Variants in GYG2 observed in about 807,000 individuals in gnomAD.
GYG2 encodes glycogenin-2.
Under a neutral mutation model 29.4 loss-of-function variants are expected in GYG2, and 29 were observed. The ratio of observed to expected loss-of-function variants is 0.99; its 90% CI spans 0.74 to 1.35. The LOEUF is 1.35. Ranked by LOEUF, GYG2 falls within the 40% of genes most tolerant of loss-of-function variation. The pLI is 0.00. For missense variants in GYG2, 370 were observed against 385.7 expected, an observed-to-expected ratio of 0.96 and a Z score of 0.34; for synonymous variants, 167 against 172.3, an observed-to-expected ratio of 0.97 and a Z score of 0.24.
Position 2,875,898 on chromosome X carries a change from A to G in GYG2, c.1127A>G (p.Glu376Gly). Residue 376 changes from glutamate (E) to glycine (G), a missense_variant, in exon 9 of 11, where the codon GAG becomes GGG. Glu to Gly is a moderately conservative substitution (Grantham distance 98, BLOSUM62 -2). Coordinates refer to ENST00000398806, the MANE Select transcript of GYG2 (RefSeq NM_001079855.2). ...TCCCCTCAGCCTGCAGACTTCACAGAGACTGAAACCATCTTGGTATTCCTC... is the reference window on the plus strand; with the variant it reads ...TCCCCTCAGCCTGCAGACTTCACAGGGACTGAAACCATCTTGGTATTCCTC... ...QPSPQPADFTETETILQPANK... is the reference protein window; with the variant it reads ...QPSPQPADFTGTETILQPANK... 1 of 1,137,617 alleles carries G rather than the reference A, an allele frequency of 8.8e-7. No homozygotes were observed. Among genetic ancestry groups the G allele is most frequent in the Non-Finnish European group, 1.2e-6 (1 of 828,819 alleles). 93.8% of individuals were successfully genotyped at this position (1,137,617 alleles called of 1,213,427 possible). A position where few individuals can be genotyped will look rare whatever the true frequency, so the allele number is the denominator to read the frequency against.
chrX:2,856,752 G>GTATGTATCTATCTATC (rs1555898843), intron 6 of GYG2, 128 bp downstream of exon 6: 1 of 161,547 alleles, frequency 6.2e-6, no homozygotes, highest in African/African-American at 3.6e-5. Flanking sequence ...ATCTATCTAT[G>GTATGTATCTATCTATC]TATCTATCTA....
chrX:2,850,208 G>C (rs961527761), intron 3 of GYG2, among the ~76,000 whole-genome samples: 1 of 111,609 alleles, frequency 9.0e-6, no homozygotes, highest in African/African-American at 3.3e-5. Context: ...GTATAAAACA[G>C]AGTTAAGTCT....
intron 9 of GYG2, 25 bp downstream of exon 9, chrX:2,875,939 A>C (rs368647320): frequency 6.1e-5 from 51 of 837,185 alleles, no homozygotes; most frequent in Admixed American, 1.2e-4. Context: ...TATGACCTAC[A>C]CATGGCCAGC....
At chrX:2,873,897 C>T (rs1313104855) in intron 8 of GYG2, among the ~76,000 whole-genome samples, 1 of 110,029 alleles carries the variant, frequency 9.1e-6, no homozygotes, top group Non-Finnish European at 1.9e-5. Context: ...CAAGACCAGC[C>T]TGGCCAAGAT....
chrX:2,833,261 C>A (rs2087305350), intron 2 of GYG2, among the ~76,000 whole-genome samples: 1 of 110,572 alleles, frequency 9.0e-6, no homozygotes, highest in Admixed American at 9.7e-5. Flanking sequence ...TCCTCATCTC[C>A]TCTTGTAGTG....
At chrX:2,829,960 C>T in intron 1 of GYG2, 101 bp from the exon 2 acceptor site, 1 of 410,746 alleles carries the variant, frequency 2.4e-6, no homozygotes, top group African/African-American at 2.6e-5. Flanking sequence ...GAGGCAGGGG[C>T]CCCGTGGGGC....
chrX:2,840,127 A>G (rs2087462543), intron 2 of GYG2, among the ~76,000 whole-genome samples: 1 of 112,558 alleles, frequency 8.9e-6, no homozygotes, highest in African/African-American at 3.2e-5. Context: ...GATACCCATT[A>G]TGCTGCTTAG....
intron 8 of GYG2, among the ~76,000 whole-genome samples, chrX:2,870,388 AG>A (rs889502439): frequency 1.8e-5 from 2 of 109,929 alleles, no homozygotes; most frequent in Non-Finnish European, 3.8e-5. Context: ...TTTATAGTAG[AG>A]CCGGGTTTTC....
intron 1 of GYG2, among the ~76,000 whole-genome samples, chrX:2,829,570 A>G (rs1603458387): frequency 7.4e-5 from 1 of 13,559 alleles, no homozygotes; most frequent in African/African-American, 3.4e-4. Context: ...TGGAGTGACG[A>G]GGGAGGGGGC....
chrX:2,867,173 G>A (rs1276775068), intron 8 of GYG2, among the ~76,000 whole-genome samples: 1 of 111,615 alleles, frequency 9.0e-6, no homozygotes, highest in African/African-American at 3.3e-5. Flanking sequence ...TGGGCTGAGC[G>A]TACTTTGTTT....
chrX:2,857,286 C>T (rs935879245), intron 6 of GYG2, among the ~76,000 whole-genome samples: 1 of 68,448 alleles, frequency 1.5e-5, no homozygotes. Flanking sequence ...TATCTATAAA[C>T]ATCTTATCTA....
chrX:2,856,785 TATC>T (rs376385852), intron 6 of GYG2, among the ~76,000 whole-genome samples, 161 bp downstream of exon 6: 1 of 72,636 alleles, frequency 1.4e-5, no homozygotes, highest in Non-Finnish European at 2.8e-5. Flanking sequence ...TCTATCTATC[TATC>T]ATCTATCTAT....
intron 2 of GYG2, among the ~76,000 whole-genome samples, chrX:2,837,396 T>C (rs2087397518): frequency 9.0e-6 from 1 of 111,447 alleles, no homozygotes; most frequent in Admixed American, 9.5e-5. Flanking sequence ...CTAACCTCAG[T>C]CATCTGTTTC....
At chrX:2,858,724 G>A (rs2088083469) in intron 6 of GYG2, among the ~76,000 whole-genome samples, 1 of 111,806 alleles carries the variant, frequency 8.9e-6, no homozygotes, top group Non-Finnish European at 1.9e-5. Flanking sequence ...AATCACAGAT[G>A]TAATGTACAG....
chrX:2,830,332 C>G (rs1473754365), intron 2 of GYG2, 137 bp downstream of exon 2: 1 of 552,387 alleles, frequency 1.8e-6, no homozygotes, highest in Non-Finnish European at 3.1e-6. Context: ...CTGCCTCGCC[C>G]AGGTCTCTCT....
chrX:2,844,213 AT>A (rs2087570810), intron 3 of GYG2, among the ~76,000 whole-genome samples: 1 of 112,281 alleles, frequency 8.9e-6, no homozygotes, highest in South Asian at 3.7e-4. Flanking sequence ...AAATCCAGAC[AT>A]TAATAGCTAA....
At chrX:2,872,956 GT>G (rs770190944) in intron 8 of GYG2, among the ~76,000 whole-genome samples, 47 of 112,279 alleles carry the variant, frequency 4.2e-4, no homozygotes, top group Non-Finnish European at 4.9e-4. Context: ...TGATAATGCA[GT>G]TATTGCATTC....
intron 2 of GYG2, among the ~76,000 whole-genome samples, chrX:2,830,933 A>G (rs2087249975): frequency 8.9e-6 from 1 of 111,745 alleles, no homozygotes. Context: ...AAAAACAACA[A>G]CAAAATAAGA....
chrX:2,880,833 G>C (rs2088703828), intron 10 of GYG2, among the ~76,000 whole-genome samples: 1 of 111,834 alleles, frequency 8.9e-6, no homozygotes, highest in Admixed American at 9.5e-5. Context: ...CTTGAGCCCA[G>C]GAGGTCAAGG....
Sources: allele counts gnomAD v4.1 joint callset (sites outside exome capture counted in the v4.1 genomes callset), GRCh38; gene constraint gnomAD v4.1.1; transcripts MANE v1.5; gene names NCBI Gene and HGNC (gene_info 2026-07-23, HGNC 2026-07-21).